The following SAMD11 variants were observed in gnomAD, a reference collection of about 807,000 sequenced individuals.
The protein encoded by SAMD11 is sterile alpha motif domain-containing protein 11.
SAMD11 carries 77 observed loss-of-function variants against 64.4 expected under a neutral mutation model. The observed-to-expected ratio is 1.20, with a 90% CI of 0.99 to 1.44. The LOEUF (loss-of-function observed/expected upper bound fraction) is 1.44, where lower values mean the gene tolerates loss of function less well. Among genes scored for constraint, SAMD11 ranks in the 40% most tolerant of loss-of-function variants. The pLI, the probability that SAMD11 is intolerant of heterozygous loss-of-function variation, is 0.00. For missense variants in SAMD11, 1,402 were observed against 943.3 expected (o/e 1.49, Z -6.37); for synonymous variants, 658 against 421.9 (o/e 1.56, Z -6.86).
At chr1:925,870 C>T (rs979024136) in intron 1 of SAMD11, 52 bp from the exon 2 acceptor site, 7 of 1,356,418 alleles carry the variant, frequency 5.2e-6, no homozygotes, top group Non-Finnish European at 7.3e-6. Context: ...CCGCTGACTG[C>T]GCGCAGAAGC....
intron 4 of SAMD11, among the ~76,000 whole-genome samples, 183 bp from the exon 5 acceptor site, chr1:935,589 G>A (rs768332630): frequency 1.3e-5 from 2 of 152,202 alleles, no homozygotes; most frequent in Non-Finnish European, 2.9e-5. Context: ...GCTTTGACTC[G>A]GGTGCTGCGT....
chr1:942,063 C>A (rs1008164035), intron 8 of SAMD11, 73 bp from the exon 9 acceptor site: 4 of 462,692 alleles, frequency 8.6e-6, no homozygotes, highest in Non-Finnish European at 1.5e-5. Context: ...GCGGAGGCGG[C>A]GGGGGAGGGG....
chr1:943,903 T>C lies in SAMD11; in HGVS notation c.2290-5T>C, dbSNP rs1413091284. The C allele has an allele frequency of 6.2e-7, 1 of 1,612,896 alleles. No homozygotes were observed. The highest frequency in any genetic ancestry group is 8.5e-7 in the Non-Finnish European group (1 of 1,179,930). ...GACAGCCCCCACCAGGCCATCTCTC[T>C]GCAGGTGGCCAGGCGCCTGGGCCGA... On this transcript the variant is annotated splice_polypyrimidine_tract_variant and splice_region_variant and intron_variant, in intron 13 of 13. Coordinates refer to ENST00000616016, the MANE Select transcript of SAMD11 (RefSeq NM_001385641.1).
Position 926,027 on chromosome 1 carries a change from C to T in SAMD11, c.609+14C>T, listed in dbSNP as rs2100289613. ...TCCTCCCCGGTGGTGAGATGCGGGGCTCGGTTGGGGCTGGGAGTTACTCTC... is the reference window on the plus strand; with the variant it reads ...TCCTCCCCGGTGGTGAGATGCGGGGTTCGGTTGGGGCTGGGAGTTACTCTC... On this transcript the variant is annotated intron_variant, in intron 2 of 13. Coordinates refer to ENST00000616016, the MANE Select transcript of SAMD11 (RefSeq NM_001385641.1). The T allele has an allele frequency of 3.7e-6, 6 of 1,609,528 alleles. No homozygotes were observed. The highest frequency in any genetic ancestry group is 5.1e-6 in the Non-Finnish European group (6 of 1,179,288).
Position 939,024 on chromosome 1 carries a change from C to T in SAMD11, c.968-16C>T, listed in dbSNP as rs779571221. Reference sequence around the variant, plus strand: ...ATTCCTTGAGATGCAGGTGGGCACTCACTACCCTCCCGCAGGTGACCTGTT... The same window carrying T: ...ATTCCTTGAGATGCAGGTGGGCACTTACTACCCTCCCGCAGGTGACCTGTT... On this transcript the variant is annotated splice_polypyrimidine_tract_variant and intron_variant, in intron 5 of 13. Transcript: ENST00000616016. 5.4e-5 allele frequency: 85 copies of T among 1,582,508 alleles called. No individual in the cohort carries two copies. The highest frequency in any genetic ancestry group is 7.1e-5 in the Non-Finnish European group (83 of 1,163,374).
rs372483503 is a variant in SAMD11, at chr1:944,035, C to T, written c.2417C>T (p.Thr806Met). 49 of 1,612,758 alleles carry T rather than the reference C, an allele frequency of 3.0e-5. No homozygotes were observed. The highest frequency in any genetic ancestry group is 3.7e-5 in the Non-Finnish European group (44 of 1,180,008). The change falls in exon 14 of 14, where the codon ACG (threonine) becomes ATG (methionine). Residue 806 changes from threonine to methionine, a missense_variant. Physicochemically the swap from Thr to Met is moderately conservative, Grantham distance 81. Coordinates refer to ENST00000616016, the MANE Select transcript of SAMD11 (RefSeq NM_001385641.1). The stretch of plus-strand genomic sequence containing the variant: ...GGAGAGCAGCCCTTGTCCCCCACGA[C>T]GGCCACGTCCCCCTATGGAGGGGGC... ...GTGEQPLSPT[T>M]ATSPYGGGHA...
chr1:940,733 C>T (rs1029331492), intron 7 of SAMD11, among the ~76,000 whole-genome samples: 2 of 152,260 alleles, frequency 1.3e-5, no homozygotes, highest in African/African-American at 4.8e-5. Context: ...GCCGCGTCTA[C>T]TATGGGGACC....
chr1:938,485 C>T (rs1413443562), intron 5 of SAMD11, among the ~76,000 whole-genome samples: 1 of 152,162 alleles, frequency 6.6e-6, no homozygotes. Flanking sequence ...GGACGTGGGC[C>T]TTCTGGGGGC....
Position 942,428 on chromosome 1 carries a change from C to T in SAMD11, c.1493C>T (p.Pro498Leu), listed in dbSNP as rs780734149. 2.0e-6 allele frequency: 3 copies of T among 1,486,806 alleles called. No homozygotes were observed. Among genetic ancestry groups the T allele is most frequent in the African/African-American group, 1.5e-5 (1 of 68,908 alleles). The allele number at this position is 1,486,806 out of a possible 1,614,324, so 92.1% of individuals were successfully genotyped here. A position where few individuals can be genotyped will look rare whatever the true frequency, so the allele number is the denominator to read the frequency against. ...CCACCAGGCTACGGCTTCCTGCCCC[C>T]CGCGCAGGCGGAGATGTTCGCCTGG... is the stretch of plus-strand genomic sequence containing the variant. Reference protein sequence around the residue: ...CQTPGYGFLPPAQAEMFAWQQ... With the variant: ...CQTPGYGFLPLAQAEMFAWQQ... The change falls in exon 10 of 14, where the codon CCC (proline) becomes CTC (leucine). Residue 498 changes from proline (P) to leucine (L), a missense_variant. Pro to Leu is a moderately conservative substitution (Grantham distance 98, BLOSUM62 -3). Coordinates refer to ENST00000616016, the MANE Select transcript of SAMD11 (RefSeq NM_001385641.1).
rs1641867596 is a variant in SAMD11, at chr1:942,771, A to C, written c.1766A>C (p.Asp589Ala). Reference protein sequence around the residue: ...PGSGPPTPSRDSARRAPRKGG... With the variant: ...PGSGPPTPSRASARRAPRKGG... Reference sequence around the variant, plus strand: ...TCCGGACCCCCCACCCCGTCCCGGGACTCTGCCCGGCGAGCCCCCCGGAAG... The same window carrying C: ...TCCGGACCCCCCACCCCGTCCCGGGCCTCTGCCCGGCGAGCCCCCCGGAAG... Residue 589 changes from aspartate (D) to alanine (A), a missense_variant, in exon 11 of 14, where the codon GAC becomes GCC. Transcript: ENST00000616016. 2 of 1,532,938 alleles carry C rather than the reference A, an allele frequency of 1.3e-6. No individual in the cohort carries two copies. Among genetic ancestry groups the C allele is most frequent in the Non-Finnish European group, 1.8e-6 (2 of 1,141,806 alleles). The allele number at this position is 1,532,938 out of a possible 1,614,324, so 95.0% of individuals were successfully genotyped here.
rs1557607182 is a variant in SAMD11, at chr1:939,258, C to CG, written c.1058-14dup. On this transcript the variant is annotated splice_polypyrimidine_tract_variant and intron_variant, in intron 6 of 13. Transcript: ENST00000616016. ...CAGTGCCTGGAGAAACCTCTCACCC[C>CG]GGGTCCTCCCCAGCAGAGGCGCTGC... 6.3e-7 allele frequency: 1 copy of CG among 1,579,674 alleles called. No homozygotes were observed. Among genetic ancestry groups the CG allele is most frequent in the African/African-American group, 1.3e-5 (1 of 74,202 alleles).
intron 12 of SAMD11, 36 bp downstream of exon 12, chr1:943,413 AGCTG>A: frequency 6.7e-7 from 1 of 1,491,488 alleles, no homozygotes; most frequent in Non-Finnish European, 9.0e-7. Context: ...GCGGGGCTGG[AGCTG>A]GCTGGCAGTC....
In SAMD11 at chr1:942,456, G is replaced by A. The variant is rs1257662672; in HGVS notation, c.1521G>A (p.Gln507=). The change falls in exon 10 of 14, where the codon CAG becomes CAA. Residue 507 remains glutamine (Q), a synonymous_variant. Transcript: ENST00000616016. ...PPAQAEMFAW[Q]QELLRKQNLA... ...CGCAGGCGGAGATGTTCGCCTGGCA[G>A]CAGGAGCTCCTGCGGAAGCAGAACC... is the stretch of plus-strand genomic sequence containing the variant. 1 of 1,487,946 alleles carries A rather than the reference G, an allele frequency of 6.7e-7. No individual in the cohort carries two copies. The highest frequency in any genetic ancestry group is 8.9e-7 in the Non-Finnish European group (1 of 1,125,458). 92.2% of individuals were successfully genotyped at this position (1,487,946 alleles called of 1,614,324 possible). A position where few individuals can be genotyped will look rare whatever the true frequency, so the allele number is the denominator to read the frequency against.
chr1:935,426 C>T (rs1047540300), intron 4 of SAMD11, among the ~76,000 whole-genome samples: 3 of 152,022 alleles, frequency 2.0e-5, no homozygotes, highest in Admixed American at 1.3e-4. Context: ...TCTTCCCGGG[C>T]GCCCGGTGGG....
In SAMD11 at chr1:942,819, C is replaced by T. The variant is rs748489927; in HGVS notation, c.1814C>T (p.Ala605Val). 11 of 1,548,304 alleles carry T rather than the reference C, an allele frequency of 7.1e-6. No individual in the cohort carries two copies. The South Asian group carries it at 1.3e-4, about 18-fold the overall frequency. Residue 605 changes from alanine to valine, a missense_variant, in exon 11 of 14, where the codon GCG (alanine) becomes GTG (valine). Physicochemically the swap from Ala to Val is moderately conservative, Grantham distance 64. Coordinates refer to ENST00000616016, the MANE Select transcript of SAMD11 (RefSeq NM_001385641.1). Reference sequence around the variant, plus strand: ...AAGGGGGGTCCCGGCCCTGCCTCAGCGCGGCCCAGCGAGTCCAAGGAGATG... The same window carrying T: ...AAGGGGGGTCCCGGCCCTGCCTCAGTGCGGCCCAGCGAGTCCAAGGAGATG... ...PRKGGPGPASARPSESKEMTG... is the reference protein window; with the variant it reads ...PRKGGPGPASVRPSESKEMTG...
Position 924,852 on chromosome 1 carries a change from A to G in SAMD11, c.421A>G (p.Ile141Val), listed in dbSNP as rs556701313. 1 of 152,234 alleles carries G rather than the reference A, an allele frequency of 6.6e-6. No individual in the cohort carries two copies. The highest frequency in any genetic ancestry group is 2.4e-5 in the African/African-American group (1 of 41,506). The allele number at this position is 152,234 out of a possible 1,614,324, so 9.4% of individuals were successfully genotyped here. Residue 141 changes from isoleucine (I) to valine (V), a missense_variant, in exon 1 of 14, where the codon ATC (isoleucine) becomes GTC (valine). By Grantham distance (29) the Ile-to-Val change is conservative (BLOSUM62 3). Coordinates refer to ENST00000616016, the MANE Select transcript of SAMD11 (RefSeq NM_001385641.1). Reference protein sequence around the residue: ...KLCQGSKGPSIRHRGEWLTPN... With the variant: ...KLCQGSKGPSVRHRGEWLTPN... The stretch of plus-strand genomic sequence containing the variant: ...CTGCCAGGGCAGCAAGGGCCCGTCC[A>G]TCCGCCACCGCGGCGAGTGGCTCAC...
chr1:925,548 C>G (rs556020401), intron 1 of SAMD11, among the ~76,000 whole-genome samples: 8 of 152,188 alleles, frequency 5.3e-5, no homozygotes, highest in African/African-American at 1.9e-4. Flanking sequence ...CGGTGGCCGC[C>G]TCTTCCTGCC....
chr1:928,173 C>T (rs1237703106), intron 2 of SAMD11, among the ~76,000 whole-genome samples: 1 of 152,112 alleles, frequency 6.6e-6, no homozygotes, highest in Non-Finnish European at 1.5e-5. Flanking sequence ...GCGGGCGGAT[C>T]ACGAGGTCAG....
chr1:930,809 C>T (rs564910174), intron 3 of SAMD11, among the ~76,000 whole-genome samples: 2 of 152,378 alleles, frequency 1.3e-5, no homozygotes, highest in Admixed American at 6.5e-5. Flanking sequence ...TGATGCGTGT[C>T]TGCTGAGGCC....
Sources: gnomAD v4.1 joint callset for allele counts (sites outside exome capture counted in the v4.1 genomes callset) on GRCh38, gnomAD v4.1.1 for gene constraint, MANE v1.5 for transcripts, NCBI Gene and HGNC (gene_info 2026-07-23, HGNC 2026-07-21) for gene names.